The following MAPK4 variants were observed in gnomAD, a reference collection of about 807,000 sequenced individuals.
MAPK4 encodes the protein mitogen-activated protein kinase 4, also known as Erk3-related.
MAPK4 carries 22 observed loss-of-function variants against 47.7 expected under a neutral mutation model. The ratio of observed to expected loss-of-function variants is 0.46; its 90% CI spans 0.33 to 0.66. MAPK4 has a LOEUF of 0.66. Ranked by LOEUF, MAPK4 falls within the 30% of genes least tolerant of loss-of-function variation. MAPK4 has a pLI of 0.02. For missense variants in MAPK4, 736 were observed against 831.7 expected (o/e 0.88, Z 1.42); for synonymous variants, 390 against 365.7 (o/e 1.07, Z -0.76).
At chr18:50,672,285 T>C (rs979841650) in intron 2 of MAPK4, among the ~76,000 whole-genome samples, 1 of 152,202 alleles carries the variant, frequency 6.6e-6, no homozygotes. Flanking sequence ...AAGGGCACTT[T>C]CTGAGGGCTC....
Position 50,730,188 on chromosome 18 carries a change from G to A in MAPK4, c.*334G>A, listed in dbSNP as rs1911485292. ...GCAGGATGCCGAGAAATCTTGCAGA[G>A]GTAGCTCCGAAACCATCTGGCCCAA... On this transcript the variant is annotated 3_prime_UTR_variant, in exon 6 of 6. Transcript: ENST00000400384. The A allele has an allele frequency of 4.7e-6, 1 of 211,118 alleles. No homozygotes were observed. The highest frequency in any genetic ancestry group is 1.7e-4 in the South Asian group (1 of 5,772). The allele number at this position is 211,118 out of a possible 1,614,324, so 13.1% of individuals were successfully genotyped here.
chr18:50,693,918 T>C (rs1909368117), intron 2 of MAPK4, among the ~76,000 whole-genome samples: 1 of 152,204 alleles, frequency 6.6e-6, no homozygotes, highest in African/African-American at 2.4e-5. Context: ...TTTCAAACCC[T>C]GTTCCTTGGA....
At chr18:50,721,562 T>C (rs1910936369) in intron 3 of MAPK4, among the ~76,000 whole-genome samples, 1 of 152,198 alleles carries the variant, frequency 6.6e-6, no homozygotes, top group Non-Finnish European at 1.5e-5. Flanking sequence ...ACTGTTTCCT[T>C]CCCCATCCTA....
At chr18:50,621,495 C>T (rs574096595) in intron 1 of MAPK4, among the ~76,000 whole-genome samples, 4 of 152,272 alleles carry the variant, frequency 2.6e-5, no homozygotes, top group Non-Finnish European at 4.4e-5. Context: ...AGCAGAATTA[C>T]TTGGTGAGAT....
rs142640586 is a variant in MAPK4, at chr18:50,613,107, T to G, written c.-870-49982T>G. 9.2e-5 allele frequency among the ~76,000 whole-genome samples: 14 copies of G among 152,308 alleles called. No homozygotes were observed. In the East Asian group the frequency reaches 2.7e-3, roughly 29 times the overall value. On this transcript the variant is annotated intron_variant, in intron 1 of 5. Coordinates refer to ENST00000400384, the MANE Select transcript of MAPK4 (RefSeq NM_002747.4). ...GGTGACTTGCAATGAATATAACCCCTTTATAGTAGCCCCCCTGTATAATCC... is the reference window on the plus strand; with the variant it reads ...GGTGACTTGCAATGAATATAACCCCGTTATAGTAGCCCCCCTGTATAATCC...
intron 1 of MAPK4, among the ~76,000 whole-genome samples, chr18:50,650,114 TGTG>T (rs2043032536): frequency 6.6e-6 from 1 of 152,224 alleles, no homozygotes; most frequent in Non-Finnish European, 1.5e-5. Context: ...GTCAAGCTAA[TGTG>T]CTGCTGCTGT....
At chr18:50,671,128 C>T (rs1426254228) in intron 2 of MAPK4, among the ~76,000 whole-genome samples, 1 of 152,174 alleles carries the variant, frequency 6.6e-6, no homozygotes, top group Non-Finnish European at 1.5e-5. Flanking sequence ...ACCAGAAGGG[C>T]TGCTAATGGT....
intron 1 of MAPK4, among the ~76,000 whole-genome samples, chr18:50,636,841 G>A (rs959615326): frequency 6.6e-6 from 1 of 152,142 alleles, no homozygotes; most frequent in Non-Finnish European, 1.5e-5. Flanking sequence ...AGATGCTTTT[G>A]CGTATTGGTG....
chr18:50,719,305 G>C (rs574229489), intron 3 of MAPK4, among the ~76,000 whole-genome samples: 1 of 151,874 alleles, frequency 6.6e-6, no homozygotes, highest in Non-Finnish European at 1.5e-5. Flanking sequence ...CATAGTCTCT[G>C]TCCTCAAAGG....
Position 50,626,441 on chromosome 18 carries a change from G to T in MAPK4, c.-870-36648G>T, listed in dbSNP as rs181722263. ...ATGGCGTCTGCGGTCCTTGCACACT[G>T]AGCCTCAGCGTGGACGGGGAGTCTG... On this transcript the variant is annotated intron_variant, in intron 1 of 5. Coordinates refer to ENST00000400384, the MANE Select transcript of MAPK4 (RefSeq NM_002747.4). Among the ~76,000 whole-genome samples the T allele has an allele frequency of 2.1e-3, 322 of 152,268 alleles. 3 individuals carry two copies. Among genetic ancestry groups the T allele is most frequent in the African/African-American group, 7.1e-3 (293 of 41,544 alleles).
At chr18:50,655,651 A>C (rs2043101794) in intron 1 of MAPK4, among the ~76,000 whole-genome samples, 1 of 152,108 alleles carries the variant, frequency 6.6e-6, no homozygotes, top group African/African-American at 2.4e-5. Context: ...CGCCGCTGAG[A>C]GTGAGACCCG....
chr18:50,652,261 A>AAAACAGGG (rs1438555730), intron 1 of MAPK4, among the ~76,000 whole-genome samples: 2 of 152,200 alleles, frequency 1.3e-5, no homozygotes, highest in Non-Finnish European at 2.9e-5. Flanking sequence ...TCTTCACCAG[A>AAAACAGGG]AAACAGGGAG....
chr18:50,632,417 G>A (rs990699655), intron 1 of MAPK4, among the ~76,000 whole-genome samples: 3 of 152,086 alleles, frequency 2.0e-5, no homozygotes, highest in Non-Finnish European at 2.9e-5. Context: ...CGTCTCAAAT[G>A]TCAAGACGCT....
Position 50,606,545 on chromosome 18 carries a change from T to C in MAPK4, c.-871+46302T>C, listed in dbSNP as rs1186001958. On this transcript the variant is annotated intron_variant, in intron 1 of 5. Coordinates refer to ENST00000400384, the MANE Select transcript of MAPK4 (RefSeq NM_002747.4). ...TTCAGTGCTATCTACCAAATATTTC[T>C]AATTTTCTGCCTTCTGGGAACATAG... is the stretch of plus-strand genomic sequence containing the variant. Among the ~76,000 whole-genome samples the C allele has an allele frequency of 2.6e-5, 4 of 152,318 alleles. No individual in the cohort carries two copies. In the East Asian group the frequency reaches 7.7e-4, roughly 29 times the overall value.
At chr18:50,648,663 G>A (rs891858413) in intron 1 of MAPK4, among the ~76,000 whole-genome samples, 1 of 152,166 alleles carries the variant, frequency 6.6e-6, no homozygotes, top group East Asian at 1.9e-4. Flanking sequence ...GGGGACAAAA[G>A]CTAGAGGTGG....
At chr18:50,582,237 C>T (rs941251936) in intron 1 of MAPK4, among the ~76,000 whole-genome samples, 6 of 152,234 alleles carry the variant, frequency 3.9e-5, no homozygotes, top group African/African-American at 1.4e-4. Context: ...GACTCTGACA[C>T]TCAGTGGCTC....
rs1243435448 is a variant in MAPK4, at chr18:50,678,996, A to G, written c.546+14492A>G. 6.6e-6 allele frequency among the ~76,000 whole-genome samples: 1 copy of G among 152,180 alleles called. No homozygotes were observed. Among genetic ancestry groups the G allele is most frequent in the African/African-American group, 2.4e-5 (1 of 41,448 alleles). On this transcript the variant is annotated intron_variant, in intron 2 of 5. Transcript: ENST00000400384. The surrounding 1 kb of genome is among the most constrained non-coding windows in gnomAD (Gnocchi z 4.2). ...TAGGAACCATGCAAACTCCAGCAGTAAGCTCGATGAAGCCATTGTGATCCG... is the reference window on the plus strand; with the variant it reads ...TAGGAACCATGCAAACTCCAGCAGTGAGCTCGATGAAGCCATTGTGATCCG...
intron 1 of MAPK4, among the ~76,000 whole-genome samples, chr18:50,610,059 C>T (rs1235876061): frequency 2.0e-5 from 3 of 152,176 alleles, no homozygotes; most frequent in Non-Finnish European, 4.4e-5. Context: ...AACTTGTCTA[C>T]GATCTTGTCA....
chr18:50,715,901 G>A lies in MAPK4; in HGVS notation c.691+678G>A, dbSNP rs191518768. 3.9e-4 allele frequency among the ~76,000 whole-genome samples: 59 copies of A among 152,094 alleles called. 1 individual carries two copies. The East Asian group carries it at 0.011, about 28-fold the overall frequency. ...TTTAGCCCCTTCCTCCTCCCTCCCT[G>A]CCACTGTTCCCTGTCCTTCGGCCAC... On this transcript the variant is annotated intron_variant, in intron 3 of 5. Coordinates refer to ENST00000400384, the MANE Select transcript of MAPK4 (RefSeq NM_002747.4).
Sources: gnomAD v4.1 joint callset for allele counts (sites outside exome capture counted in the v4.1 genomes callset) on GRCh38, gnomAD v4.1.1 for gene constraint, Gnocchi (gnomAD v3.1) non-coding constraint, MANE v1.5 for transcripts, NCBI Gene and HGNC (gene_info 2026-07-23, HGNC 2026-07-21) for gene names.